The following TNPO1 variants were observed in gnomAD, a reference collection of about 807,000 sequenced individuals.
TNPO1 encodes the protein transportin 1, also known as transportin-1.
In TNPO1, 8 loss-of-function variants were observed where a neutral mutation model predicts 119.5. The observed-to-expected ratio is 0.07, with a 90% confidence interval of 0.04 to 0.12. The LOEUF (loss-of-function observed/expected upper bound fraction) is 0.12. Ranked by LOEUF, TNPO1 falls within the 10% of genes least tolerant of loss-of-function variation. TNPO1 has a pLI of 1.00. For synonymous variants in TNPO1, 362 were observed against 363.0 expected (o/e 1.00, Z 0.03); for missense variants, 576 against 1,089.8 (o/e 0.53, Z 6.64).
intron 1 of TNPO1, among the ~76,000 whole-genome samples, chr5:72,819,375 TGTTA>T (rs897946674): frequency 9.2e-5 from 14 of 152,166 alleles, no homozygotes; most frequent in East Asian, 3.9e-4. Context: ...TATGCGTGGA[TGTTA>T]GTTAGGAGAG....
chr5:72,829,540 C>G (rs1261659529), intron 1 of TNPO1, among the ~76,000 whole-genome samples: 3 of 152,176 alleles, frequency 2.0e-5, no homozygotes, highest in Non-Finnish European at 1.5e-5. Context: ...TACAAGTTTC[C>G]CTCAAGGATA....
chr5:72,865,146 A>T (rs1340916924), intron 5 of TNPO1, among the ~76,000 whole-genome samples: 1 of 152,222 alleles, frequency 6.6e-6, no homozygotes, highest in Non-Finnish European at 1.5e-5. Context: ...AATTTGTTTT[A>T]AAATTGAATA....
rs375569391 is a variant in TNPO1 at position 72,900,888 on chromosome 5, G to T, written c.2415-86G>T. On this transcript the variant is annotated intron_variant, in intron 21 of 24. Transcript: ENST00000337273. ...ATATAATCATTATCTATACTGTGGT[G>T]CTTATTCCATTAAATACTGTCCATT... 15 of 838,954 alleles carry T rather than the reference G, an allele frequency of 1.8e-5. No homozygotes were observed. The East Asian group carries it at 2.8e-4, about 16-fold the overall frequency. The allele number at this position is 838,954 out of a possible 1,614,324, so 52.0% of individuals were successfully genotyped here.
chr5:72,863,758 G>C lies in TNPO1; in HGVS notation c.463-1838G>C, dbSNP rs944136566. ...CCATCTCAAAAAAAAAAAAAAAAAGGCTTTGGAAATACACTGATAAGATTA... is the reference window on the plus strand; with the variant it reads ...CCATCTCAAAAAAAAAAAAAAAAAGCCTTTGGAAATACACTGATAAGATTA... On this transcript the variant is annotated intron_variant, in intron 5 of 24. Transcript: ENST00000337273. Among the ~76,000 whole-genome samples the C allele has an allele frequency of 2.0e-5, 3 of 149,674 alleles. No individual in the cohort carries two copies. The Admixed American group carries it at 2.0e-4, about 10-fold the overall frequency.
chr5:72,892,346 G>A (rs1436140269), intron 15 of TNPO1, among the ~76,000 whole-genome samples: 1 of 151,864 alleles, frequency 6.6e-6, no homozygotes, highest in Non-Finnish European at 1.5e-5. Flanking sequence ...TGAACACACT[G>A]TGAAATGTAG....
In TNPO1 at chr5:72,882,400, G is replaced by C. The variant is rs1254043644; in HGVS notation, c.921-67G>C. On this transcript the variant is annotated intron_variant, in intron 9 of 24. Transcript: ENST00000337273. The stretch of plus-strand genomic sequence containing the variant: ...CATTGGTTTTATTAGTACATGTAAG[G>C]TTAAGACTTATTAATTATTCTCTTG... 12 of 1,244,522 alleles carry C rather than the reference G, an allele frequency of 9.6e-6. No individual in the cohort carries two copies. In the South Asian group the frequency reaches 1.5e-4, roughly 15 times the overall value. The allele number at this position is 1,244,522 out of a possible 1,614,324, so 77.1% of individuals were successfully genotyped here.
chr5:72,855,956 G>C, intron 4 of TNPO1, 33 bp downstream of exon 4: 1 of 1,605,322 alleles, frequency 6.2e-7, no homozygotes, highest in Non-Finnish European at 8.5e-7. Flanking sequence ...TGCTTACTTT[G>C]TTTGTAACTG....
At chr5:72,868,438 A>AAAAAC in intron 6 of TNPO1, among the ~76,000 whole-genome samples, 2 of 138,352 alleles carry the variant, frequency 1.4e-5, no homozygotes, top group South Asian at 4.3e-4. Context: ...TCTCAAAAAA[A>AAAAAC]AAAAAAAAAA....
chr5:72,820,238 C>T (rs542979573), intron 1 of TNPO1, among the ~76,000 whole-genome samples: 1 of 152,110 alleles, frequency 6.6e-6, no homozygotes, highest in African/African-American at 2.4e-5. Flanking sequence ...ATAAGAAACA[C>T]TGCAATGAAC....
At chr5:72,884,333 T>C (rs554932279) in intron 11 of TNPO1, among the ~76,000 whole-genome samples, 1 of 152,304 alleles carries the variant, frequency 6.6e-6, no homozygotes, top group Non-Finnish European at 1.5e-5. Flanking sequence ...ATCATTATTA[T>C]ATTCTTAAAC....
chr5:72,818,237 T>C (rs879755576), intron 1 of TNPO1, among the ~76,000 whole-genome samples: 2 of 152,260 alleles, frequency 1.3e-5, no homozygotes, highest in Non-Finnish European at 2.9e-5. Flanking sequence ...CTGAAATATC[T>C]ATAAAAATCT....
rs869074102 is a variant in TNPO1 at position 72,827,757 on chromosome 5, A to AT, written c.15+11015dup. The stretch of plus-strand genomic sequence containing the variant: ...AGGGAGACCCTGTCTCCACAAAAAA[A>AT]TTTTTTTTTTAAATTAGCTGGGCAT... On this transcript the variant is annotated intron_variant, in intron 1 of 24. Transcript: ENST00000337273. Among the ~76,000 whole-genome samples, 821 of 150,638 alleles carry AT rather than the reference A, an allele frequency of 5.5e-3. 6 individuals carry two copies. Among genetic ancestry groups the AT allele is most frequent in the African/African-American group, 0.019 (765 of 41,050 alleles).
chr5:72,888,749 A>G (rs1396118603), intron 13 of TNPO1, among the ~76,000 whole-genome samples: 1 of 152,220 alleles, frequency 6.6e-6, no homozygotes, highest in Non-Finnish European at 1.5e-5. Context: ...TCCTTAGACT[A>G]CAGGTCAACC....
chr5:72,890,016 G>A, intron 14 of TNPO1, 59 bp downstream of exon 14: 1 of 1,547,642 alleles, frequency 6.5e-7, no homozygotes, highest in South Asian at 1.2e-5. Flanking sequence ...ACAATTAATA[G>A]ATTAGCATAT....
At chr5:72,866,637 C>T (rs578026180) in intron 6 of TNPO1, among the ~76,000 whole-genome samples, 7 of 151,906 alleles carry the variant, frequency 4.6e-5, no homozygotes, top group Non-Finnish European at 8.8e-5. Context: ...ACCTGTGGTC[C>T]GAGCTACTTG....
At chr5:72,848,991 G>T (rs1745337839) in intron 2 of TNPO1, among the ~76,000 whole-genome samples, 1 of 152,062 alleles carries the variant, frequency 6.6e-6, no homozygotes, top group Non-Finnish European at 1.5e-5. Context: ...GGTGGAGCTG[G>T]CGCGGGGTTT....
intron 1 of TNPO1, among the ~76,000 whole-genome samples, chr5:72,847,887 C>G (rs369908891): frequency 4.6e-5 from 7 of 152,212 alleles, no homozygotes; most frequent in African/African-American, 1.7e-4. Context: ...CCTTTTTACC[C>G]TATTTCAATC....
intron 4 of TNPO1, among the ~76,000 whole-genome samples, chr5:72,858,895 T>C (rs547644873): frequency 9.2e-5 from 14 of 151,408 alleles, no homozygotes; most frequent in East Asian, 7.7e-4. Flanking sequence ...TTTGTTTTGC[T>C]TCAGGAAAAT....
intron 5 of TNPO1, among the ~76,000 whole-genome samples, chr5:72,862,943 G>A (rs774166243): frequency 6.6e-6 from 1 of 151,402 alleles, no homozygotes; most frequent in Non-Finnish European, 1.5e-5. Flanking sequence ...CCACTGCGCC[G>A]GACCATTGTC....
Sources: gnomAD v4.1 joint callset for allele counts (sites outside exome capture counted in the v4.1 genomes callset) on GRCh38, gnomAD v4.1.1 for gene constraint, MANE v1.5 for transcripts, NCBI Gene and HGNC (gene_info 2026-07-23, HGNC 2026-07-21) for gene names.